The following THRAP3 variants were observed in gnomAD, a reference collection of about 807,000 sequenced individuals.
THRAP3 encodes the protein thyroid hormone receptor associated protein 3, also known as thyroid hormone receptor-associated protein 3.
Under a neutral mutation model 101.0 loss-of-function variants are expected in THRAP3, and 16 were observed. The ratio of observed to expected loss-of-function variants is 0.16; its 90% confidence interval spans 0.11 to 0.24. The LOEUF (loss-of-function observed/expected upper bound fraction) is 0.24, where lower values mean the gene tolerates loss of function less well. Among genes scored for constraint, THRAP3 ranks in the 10% least tolerant of loss-of-function variants. THRAP3 has a pLI of 1.00. For missense variants in THRAP3, 989 were observed against 1,202.7 expected, an observed-to-expected ratio of 0.82 and a Z score of 2.63; for synonymous variants, 407 against 422.6, an observed-to-expected ratio of 0.96 and a Z score of 0.45.
rs1646082826 is a variant in THRAP3 at position 36,304,998 on chromosome 1, G to A, written c.*981G>A. The stretch of plus-strand genomic sequence containing the variant: ...GGCTGGGTGGTTCAGGGGTTTTTTT[G>A]GGTTTCTTTTTTTTTTTCTTTGTCT... On this transcript the variant is annotated 3_prime_UTR_variant, in exon 12 of 12. Coordinates refer to ENST00000354618, the MANE Select transcript of THRAP3 (RefSeq NM_005119.4). 1 of 210,092 alleles carries A rather than the reference G, an allele frequency of 4.8e-6. No individual in the cohort carries two copies. Among genetic ancestry groups the A allele is most frequent in the Non-Finnish European group, 9.6e-6 (1 of 103,668 alleles). The allele number at this position is 210,092 out of a possible 1,614,324, so 13.0% of individuals were successfully genotyped here.
chr1:36,266,834 G>A (rs923361816), intron 2 of THRAP3, among the ~76,000 whole-genome samples: 2 of 151,486 alleles, frequency 1.3e-5, no homozygotes, highest in Non-Finnish European at 2.9e-5. Context: ...TAAAAAAGGA[G>A]TAGATTATAA....
chr1:36,241,391 A>G (rs1386903469), intron 1 of THRAP3, among the ~76,000 whole-genome samples: 66 of 2,816 alleles, frequency 0.023, no homozygotes, highest in African/African-American at 0.03. Context: ...GGGTGTATAT[A>G]TATATATATA....
intron 6 of THRAP3, among the ~76,000 whole-genome samples, 194 bp from the exon 7 acceptor site, chr1:36,292,404 T>G (rs1014273103): frequency 1.1e-4 from 16 of 151,106 alleles, no homozygotes; most frequent in African/African-American, 3.9e-4. Context: ...CCGGAGTAGC[T>G]GGGACTACAG....
At chr1:36,210,092 C>T in the THRAP3 span, among the ~76,000 whole-genome samples, 4 of 152,038 alleles carry the variant, frequency 2.6e-5, no homozygotes, top group East Asian at 1.9e-4. Context: ...TTTGGCCGGG[C>T]GCAGTGGCTC....
chr1:36,281,101 TTCACCATG>T (rs1321560386), intron 2 of THRAP3, among the ~76,000 whole-genome samples: 1 of 152,016 alleles, frequency 6.6e-6, no homozygotes, highest in African/African-American at 2.4e-5. Flanking sequence ...GAGATGGGGT[TTCACCATG>T]TTGGCCACGC....
At chr1:36,217,683 C>A in the THRAP3 span, among the ~76,000 whole-genome samples, 12 of 152,112 alleles carry the variant, frequency 7.9e-5, no homozygotes, top group Admixed American at 7.9e-4. Flanking sequence ...ATTATTATAT[C>A]TGTTATGGTG....
At chr1:36,230,425 AT>A (rs748581786) in intron 1 of THRAP3, among the ~76,000 whole-genome samples, 136 of 147,764 alleles carry the variant, frequency 9.2e-4, no homozygotes, top group African/African-American at 3.3e-3. Flanking sequence ...GCCCTGGCTA[AT>A]TTTTTTTGTA....
chr1:36,293,430 C>T (rs547630165), intron 7 of THRAP3, among the ~76,000 whole-genome samples: 51 of 152,202 alleles, frequency 3.4e-4, no homozygotes, highest in South Asian at 1.9e-3. Flanking sequence ...GGGCTAGAGG[C>T]GGGAGCTTGT....
chr1:36,224,844 A>T (rs1028972547), intron 1 of THRAP3: 3 of 152,060 alleles, frequency 2.0e-5, no homozygotes, highest in Non-Finnish European at 4.4e-5. Context: ...CGTTATTTGG[A>T]TTTCTTTTCC....
At position 36,304,053 on chromosome 1, in the gene THRAP3, G is replaced by A; in HGVS notation, c.*36G>A. On this transcript the variant is annotated 3_prime_UTR_variant, in exon 12 of 12. Coordinates refer to ENST00000354618, the MANE Select transcript of THRAP3 (RefSeq NM_005119.4). ...TGACGGGATTCCTGCCCAGGGGAGAGAGGCGCTGGGAAGATGGCTGGTGAG... is the reference window on the plus strand; with the variant it reads ...TGACGGGATTCCTGCCCAGGGGAGAAAGGCGCTGGGAAGATGGCTGGTGAG... The A allele has an allele frequency of 6.8e-7, 1 of 1,463,904 alleles. No individual in the cohort carries two copies. The highest frequency in any genetic ancestry group is 9.0e-7 in the Non-Finnish European group (1 of 1,106,498). 90.7% of individuals were successfully genotyped at this position (1,463,904 alleles called of 1,614,324 possible).
chr1:36,268,963 T>A (rs1307934324), intron 2 of THRAP3, among the ~76,000 whole-genome samples: 1 of 152,288 alleles, frequency 6.6e-6, no homozygotes, highest in Non-Finnish European at 1.5e-5. Context: ...TGGCCTCAGG[T>A]GATCCACCTG....
intron 1 of THRAP3, among the ~76,000 whole-genome samples, chr1:36,229,192 G>A (rs944866281): frequency 6.6e-6 from 1 of 152,008 alleles, no homozygotes; most frequent in Non-Finnish European, 1.5e-5. Flanking sequence ...CAGCCTCCCA[G>A]GTTCAAGTGA....
intron 2 of THRAP3, among the ~76,000 whole-genome samples, chr1:36,271,002 T>TA (rs1645583764): frequency 2.6e-5 from 4 of 152,230 alleles, no homozygotes; most frequent in African/African-American, 4.8e-5. Flanking sequence ...AATCTCTGCC[T>TA]AAAAAAATTA....
intron 2 of THRAP3, among the ~76,000 whole-genome samples, chr1:36,265,757 A>G (rs553487063): frequency 1.3e-5 from 2 of 152,180 alleles, no homozygotes; most frequent in African/African-American, 4.8e-5. Context: ...TGCTGTACAT[A>G]TCAACCCGTC....
intron 1 of THRAP3, among the ~76,000 whole-genome samples, chr1:36,245,479 A>G (rs1354319976): frequency 6.6e-6 from 1 of 152,022 alleles, no homozygotes; most frequent in Non-Finnish European, 1.5e-5. Context: ...CCTTTCCCCA[A>G]TCTTACAGGT....
chr1:36,269,156 C>G (rs568694650), intron 2 of THRAP3, among the ~76,000 whole-genome samples: 6 of 151,572 alleles, frequency 4.0e-5, no homozygotes, highest in African/African-American at 1.4e-4. Context: ...ATCCCTTAAC[C>G]CTCCAATTTC....
intron 2 of THRAP3, among the ~76,000 whole-genome samples, chr1:36,282,259 G>T (rs964771730): frequency 6.6e-6 from 1 of 150,502 alleles, no homozygotes; most frequent in Non-Finnish European, 1.5e-5. Context: ...TGGAGATAGG[G>T]TATTGCTCTT....
At chr1:36,222,362 C>T (rs982440935), upstream of THRAP3, among the ~76,000 whole-genome samples, 11 of 152,134 alleles carry the variant, frequency 7.2e-5, no homozygotes, top group Admixed American at 5.9e-4. Flanking sequence ...TTGTGGTGTT[C>T]TGGAACTGAA....
In THRAP3 at chr1:36,272,275, T is replaced by G. The variant is rs1645601830; in HGVS notation, c.-31-10258T>G. Among the ~76,000 whole-genome samples the G allele has an allele frequency of 1.3e-5, 2 of 152,160 alleles. 1 individual carries two copies. Among genetic ancestry groups the G allele is most frequent in the South Asian group, 4.1e-4 (2 of 4,820 alleles). On this transcript the variant is annotated intron_variant, in intron 2 of 11. Transcript: ENST00000354618. ...TTTTAGGAGAGTACCCAATGCACAT[T>G]TGGATATTCTTTTCTATAAATTGAA...
Sources: gnomAD v4.1 joint callset for allele counts (sites outside exome capture counted in the v4.1 genomes callset) on GRCh38, gnomAD v4.1.1 for gene constraint, MANE v1.5 for transcripts, NCBI Gene and HGNC (gene_info 2026-07-23, HGNC 2026-07-21) for gene names.